Variants in ZNF723 observed in about 807,000 individuals in gnomAD.
ZNF723 encodes the protein zinc finger protein 723, pseudogene.
Under a neutral mutation model 9.4 loss-of-function variants are expected in ZNF723, and 5 were observed. The ratio of observed to expected loss-of-function variants is 0.53; its 90% confidence interval spans 0.28 to 1.12. The LOEUF is 1.12. Among genes scored for constraint, ZNF723 ranks in the 50% most tolerant of loss-of-function variants. The pLI, the probability that ZNF723 is intolerant of heterozygous loss-of-function variation, is 0.10. For synonymous variants in ZNF723, 158 were observed against 168.8 expected (o/e 0.94, Z 0.49); for missense variants, 450 against 501.5 (o/e 0.90, Z 0.98).
At chr19:22,847,750 C>T (rs185575123) in intron 1 of ZNF723, among the ~76,000 whole-genome samples, 1 of 152,152 alleles carries the variant, frequency 6.6e-6, no homozygotes, top group Admixed American at 6.5e-5. Flanking sequence ...TGTTGTGGAT[C>T]TTATTCCACT....
At chr19:22,845,605 G>T (rs1967297416) in intron 1 of ZNF723, among the ~76,000 whole-genome samples, 1 of 152,134 alleles carries the variant, frequency 6.6e-6, no homozygotes, top group African/African-American at 2.4e-5. Flanking sequence ...GAGATTGTTG[G>T]TGTCTGTAGC....
the ZNF723 span, among the ~76,000 whole-genome samples, chr19:22,815,908 A>C: frequency 2.0e-5 from 3 of 152,226 alleles, no homozygotes; most frequent in Admixed American, 2.0e-4. Context: ...AGCCCATTGG[A>C]GAGGTCCTGA....
intron 3 of ZNF723, among the ~76,000 whole-genome samples, chr19:22,851,305 G>C (rs1229847976): frequency 6.6e-6 from 1 of 152,152 alleles, no homozygotes; most frequent in Non-Finnish European, 1.5e-5. Flanking sequence ...TTGAGTAGCT[G>C]AGATTACAGG....
At chr19:22,839,554 C>T (rs112646234) in intron 1 of ZNF723, among the ~76,000 whole-genome samples, 11 of 151,372 alleles carry the variant, frequency 7.3e-5, no homozygotes, top group African/African-American at 2.4e-4. Flanking sequence ...GCAGTCTCCA[C>T]CTCCTGCTTC....
the ZNF723 span, among the ~76,000 whole-genome samples, chr19:22,819,802 C>A: frequency 1.3e-5 from 2 of 152,126 alleles, no homozygotes; most frequent in African/African-American, 4.8e-5. Context: ...GGGCTCTGAG[C>A]AAAATGGGAC....
chr19:22,840,332 TGG>T, intron 1 of ZNF723: 1 of 147,386 alleles, frequency 6.8e-6, no homozygotes. Context: ...CCACCATGCC[TGG>T]CTAATTTTGT....
chr19:22,842,256 C>G (rs1024343585), intron 1 of ZNF723, among the ~76,000 whole-genome samples: 18 of 152,162 alleles, frequency 1.2e-4, no homozygotes, highest in African/African-American at 3.9e-4. Context: ...CGACCCGCCT[C>G]GGCCTTCCAA....
chr19:22,857,237 G>T lies in ZNF723; in HGVS notation c.346G>T (p.Gly116Cys). The T allele has an allele frequency of 1.2e-6, 1 of 867,648 alleles. No homozygotes were observed. Among genetic ancestry groups the T allele is most frequent in the Middle Eastern group, 2.2e-4 (1 of 4,524 alleles). 53.7% of individuals were successfully genotyped at this position (867,648 alleles called of 1,614,324 possible). The change falls in exon 4 of 4, where the codon GGC (glycine) becomes TGC (cysteine). Residue 116 changes from glycine to cysteine, a missense_variant. Physicochemically the swap from Gly to Cys is radical, Grantham distance 159. Coordinates refer to ENST00000600766, the MANE Select transcript of ZNF723 (RefSeq NM_001349726.2). ...YGHDNLQLRK[G>C]CESVDECKMH... ...ACATGACAATTTACAATTAAGAAAA[G>T]GCTGTGAAAGTGTGGATGAGTGTAA...
the ZNF723 span, among the ~76,000 whole-genome samples, chr19:22,818,139 G>A: frequency 6.6e-6 from 1 of 152,016 alleles, no homozygotes; most frequent in African/African-American, 2.4e-5. Context: ...CTCATACCTG[G>A]GCTTAATTTC....
chr19:22,827,055 T>C, the ZNF723 span, among the ~76,000 whole-genome samples: 1 of 152,210 alleles, frequency 6.6e-6, no homozygotes, highest in Admixed American at 6.5e-5. Context: ...TGTTAGATCA[T>C]TTTTTCCATG....
chr19:22,815,589 G>A, the ZNF723 span, among the ~76,000 whole-genome samples: 4 of 152,108 alleles, frequency 2.6e-5, no homozygotes, highest in Admixed American at 6.5e-5. Context: ...GACTTTCCTG[G>A]TTGCTCCCTA....
chr19:22,842,252 G>A (rs894576413), intron 1 of ZNF723, among the ~76,000 whole-genome samples: 4 of 152,180 alleles, frequency 2.6e-5, no homozygotes, highest in East Asian at 1.9e-4. Context: ...TGATCGACCC[G>A]CCTCGGCCTT....
At chr19:22,831,852 G>A (rs1263782402), upstream of ZNF723, among the ~76,000 whole-genome samples, 1 of 151,914 alleles carries the variant, frequency 6.6e-6, no homozygotes, top group Non-Finnish European at 1.5e-5. Context: ...AGGTTGCAGT[G>A]AGCCGAGATC....
the ZNF723 span, among the ~76,000 whole-genome samples, chr19:22,816,343 C>T: frequency 6.6e-6 from 1 of 152,166 alleles, no homozygotes; most frequent in African/African-American, 2.4e-5. Context: ...TAAATGGATT[C>T]AGTTCACAGA....
At chr19:22,818,384 T>C in the ZNF723 span, among the ~76,000 whole-genome samples, 51 of 152,094 alleles carry the variant, frequency 3.4e-4, no homozygotes, top group Non-Finnish European at 5.9e-4. Flanking sequence ...AACTCACAAA[T>C]TGAATAATTG....
chr19:22,839,148 A>C (rs563866290), intron 1 of ZNF723, among the ~76,000 whole-genome samples: 1 of 152,312 alleles, frequency 6.6e-6, no homozygotes, highest in Admixed American at 6.5e-5. Flanking sequence ...GATTACAGGC[A>C]TGAGCCACCG....
At chr19:22,814,864 A>G in the ZNF723 span, among the ~76,000 whole-genome samples, 2 of 152,106 alleles carry the variant, frequency 1.3e-5, no homozygotes, top group African/African-American at 2.4e-5. Flanking sequence ...GCATAGTGAC[A>G]TATCACTGGC....
chr19:22,857,071 T>A, intron 3 of ZNF723, 47 bp from the exon 4 acceptor site: 1 of 698,682 alleles, frequency 1.4e-6, no homozygotes, highest in Non-Finnish European at 2.4e-6. Flanking sequence ...AGTATATCCA[T>A]CTGAGTCTAG....
At chr19:22,845,887 GC>G (rs1967301271) in intron 1 of ZNF723, among the ~76,000 whole-genome samples, 1 of 103,354 alleles carries the variant, frequency 9.7e-6, no homozygotes, top group African/African-American at 4.5e-5. Context: ...GAAAAAATAT[GC>G]CTTTTTTTTT....
Sources: allele counts gnomAD v4.1 joint callset (sites outside exome capture counted in the v4.1 genomes callset), GRCh38; gene constraint gnomAD v4.1.1; transcripts MANE v1.5; gene names NCBI Gene and HGNC (gene_info 2026-07-23, HGNC 2026-07-21).